The following UXS1 variants were observed in gnomAD, a reference collection of about 807,000 sequenced individuals.
UXS1 encodes UDP-glucuronic acid decarboxylase 1.
A neutral mutation model predicts 62.6 loss-of-function variants in UXS1; 33 were observed. The observed-to-expected ratio is 0.53, with a 90% CI of 0.40 to 0.70. The LOEUF (loss-of-function observed/expected upper bound fraction) is 0.70, where lower values mean the gene tolerates loss of function less well. UXS1 is among the 30% of genes least tolerant of loss of function. UXS1 has a pLI of 0.00. For synonymous variants in UXS1, 213 were observed against 206.8 expected (o/e 1.03, Z -0.26); for missense variants, 434 against 556.3 (o/e 0.78, Z 2.21).
intron 13 of UXS1, 118 bp downstream of exon 13, chr2:106,098,598 T>C: frequency 1.2e-6 from 1 of 801,766 alleles, no homozygotes; most frequent in Non-Finnish European, 2.0e-6. Context: ...TGATAAAAAG[T>C]TCTGCTTTGA....
intron 1 of UXS1, among the ~76,000 whole-genome samples, chr2:106,178,610 A>G (rs1282377569): frequency 1.3e-5 from 2 of 151,908 alleles, no homozygotes; most frequent in Admixed American, 6.6e-5. Context: ...GTGTGTATAT[A>G]TGTGTGTGTG....
chr2:106,101,338 C>CT (rs1677583601), intron 11 of UXS1: 3 of 545,558 alleles, frequency 5.5e-6, no homozygotes, highest in Non-Finnish European at 9.5e-6. Context: ...CTGGGATTTG[C>CT]TTTTTTTGGG....
In UXS1 at chr2:106,115,159, T is replaced by C. The variant is rs1296791543; in HGVS notation, c.760-2394A>G. Among the ~76,000 whole-genome samples, 5 of 152,134 alleles carry C rather than the reference T, an allele frequency of 3.3e-5. No homozygotes were observed. The East Asian group carries it at 9.7e-4, about 29-fold the overall frequency. On this transcript the variant is annotated intron_variant, in intron 9 of 14. Coordinates refer to ENST00000283148, the MANE Select transcript of UXS1 (RefSeq NM_001253875.2). The stretch of plus-strand genomic sequence containing the variant: ...GGTGGCAGTTCAGTTGCCACCCACA[T>C]GCATGGATTGGAGAAAGGTATTCCT...
intron 14 of UXS1, among the ~76,000 whole-genome samples, chr2:106,094,866 G>A (rs926054612): frequency 2.6e-5 from 4 of 152,352 alleles, no homozygotes; most frequent in South Asian, 2.1e-4. Context: ...TGACTGCAGC[G>A]ATGGTTTCAC....
chr2:106,164,879 A>AGACAGAGGTGGTCTGCATCCGT, intron 2 of UXS1, 80 bp from the exon 3 acceptor site: 2 of 1,016,922 alleles, frequency 2.0e-6, no homozygotes, highest in Non-Finnish European at 2.9e-6. Context: ...AACCCAACGG[A>AGACAGAGGTGGTCTGCATCCGT]TGCAGACCAC....
chr2:106,142,606 T>C (rs887702057), intron 6 of UXS1, among the ~76,000 whole-genome samples: 3 of 152,166 alleles, frequency 2.0e-5, no homozygotes, highest in Admixed American at 6.5e-5. Context: ...GAATGTTCCA[T>C]GTGGGCTTCA....
chr2:106,107,991 C>T (rs578028437), intron 10 of UXS1, among the ~76,000 whole-genome samples: 4 of 152,320 alleles, frequency 2.6e-5, no homozygotes, highest in Non-Finnish European at 5.9e-5. Flanking sequence ...GCGTGGATCC[C>T]GTGGGACGCC....
At chr2:106,143,159 T>A (rs1178596138) in intron 6 of UXS1, among the ~76,000 whole-genome samples, 1 of 151,338 alleles carries the variant, frequency 6.6e-6, no homozygotes, top group African/African-American at 2.4e-5. Context: ...TTAATAGGTA[T>A]CATTTGGGGG....
In UXS1 at chr2:106,171,005, TA is replaced by T. The variant is rs565537808; in HGVS notation, c.95-4923del. 2.3e-4 allele frequency among the ~76,000 whole-genome samples: 35 copies of T among 152,356 alleles called. 1 individual carries two copies. In the East Asian group the frequency reaches 6.5e-3, roughly 28 times the overall value. On this transcript the variant is annotated intron_variant, in intron 1 of 14. Coordinates refer to ENST00000283148, the MANE Select transcript of UXS1 (RefSeq NM_001253875.2). ...AGTAAAGTAAGTATTTTAAGAAAGATAATTATTCAGTTATTGACAAAGGGCT... is the reference window on the plus strand; with the variant it reads ...AGTAAAGTAAGTATTTTAAGAAAGATATTATTCAGTTATTGACAAAGGGCT...
chr2:106,184,117 G>A (rs1184730161), intron 1 of UXS1, among the ~76,000 whole-genome samples: 1 of 152,152 alleles, frequency 6.6e-6, no homozygotes, highest in Non-Finnish European at 1.5e-5. Flanking sequence ...GCTGGAACCT[G>A]GGAGGCAGAA....
intron 7 of UXS1, among the ~76,000 whole-genome samples, chr2:106,129,421 C>T (rs1369694278): frequency 6.6e-6 from 1 of 152,186 alleles, no homozygotes; most frequent in African/African-American, 2.4e-5. Flanking sequence ...GGGATCTGCA[C>T]CAGGGTGCTG....
chr2:106,147,269 ACTTT>A (rs1247110016), intron 5 of UXS1, among the ~76,000 whole-genome samples: 1 of 152,126 alleles, frequency 6.6e-6, no homozygotes, highest in Non-Finnish European at 1.5e-5. Context: ...GCCTCACTAT[ACTTT>A]CTCTTTTGGA....
chr2:106,110,788 T>C (rs1678525211), intron 10 of UXS1, among the ~76,000 whole-genome samples: 1 of 152,204 alleles, frequency 6.6e-6, no homozygotes, highest in Non-Finnish European at 1.5e-5. Context: ...GAGCATACAC[T>C]GTACTAACAG....
chr2:106,141,865 G>GTT (rs11448932), intron 6 of UXS1, among the ~76,000 whole-genome samples: 3,529 of 145,258 alleles, frequency 0.024, 57 homozygotes, highest in Admixed American at 0.056. Context: ...TAGCTTCAGT[G>GTT]TTTTTTTTTT....
chr2:106,157,628 T>A (rs1176088555), intron 5 of UXS1, among the ~76,000 whole-genome samples: 2 of 152,194 alleles, frequency 1.3e-5, no homozygotes, highest in East Asian at 1.9e-4. Flanking sequence ...CAAATACCCA[T>A]CAATTGAGAA....
At chr2:106,121,292 C>A (rs1427743705) in intron 9 of UXS1, among the ~76,000 whole-genome samples, 1 of 152,152 alleles carries the variant, frequency 6.6e-6, no homozygotes, top group South Asian at 2.1e-4. Context: ...CAAGCTTATA[C>A]TTAAGGCAAT....
chr2:106,178,611 T>C (rs1007917627), intron 1 of UXS1, among the ~76,000 whole-genome samples: 3 of 152,064 alleles, frequency 2.0e-5, no homozygotes, highest in Non-Finnish European at 4.4e-5. Context: ...TGTGTATATA[T>C]GTGTGTGTGT....
At chr2:106,143,685 A>G (rs1681332923) in intron 6 of UXS1, among the ~76,000 whole-genome samples, 1 of 152,086 alleles carries the variant, frequency 6.6e-6, no homozygotes, top group South Asian at 2.1e-4. Context: ...TCAGGATGAC[A>G]GCAAAATTCA....
chr2:106,164,142 C>G (rs1456609004), intron 3 of UXS1, among the ~76,000 whole-genome samples: 1 of 152,198 alleles, frequency 6.6e-6, no homozygotes, highest in East Asian at 1.9e-4. Context: ...CAACCTACAT[C>G]CACGTCTGTA....
Sources: gnomAD v4.1 joint callset for allele counts (sites outside exome capture counted in the v4.1 genomes callset) on GRCh38, gnomAD v4.1.1 for gene constraint, MANE v1.5 for transcripts, NCBI Gene and HGNC (gene_info 2026-07-23, HGNC 2026-07-21) for gene names.